The following ALG6 variants were observed in gnomAD, a reference collection of about 807,000 sequenced individuals.
ALG6 encodes the protein dolichyl pyrophosphate Man9GlcNAc2 alpha-1,3-glucosyltransferase.
Under a neutral mutation model 66.6 loss-of-function variants are expected in ALG6, and 46 were observed. The ratio of observed to expected loss-of-function variants is 0.69; its 90% CI spans 0.55 to 0.88. The LOEUF (loss-of-function observed/expected upper bound fraction) is 0.88, where lower values mean the gene tolerates loss of function less well. Among genes scored for constraint, ALG6 ranks in the 40% least tolerant of loss-of-function variants. The probability of loss-of-function intolerance (pLI) is 0.00; values close to 1 mark genes in which losing one functional copy is unlikely to be tolerated. For missense variants in ALG6, 505 were observed against 586.8 expected (o/e 0.86, Z 1.44); for synonymous variants, 185 against 203.7 (o/e 0.91, Z 0.78).
chr1:63,406,518 A>G, intron 6 of ALG6, 119 bp downstream of exon 6: 1 of 851,376 alleles, frequency 1.2e-6, no homozygotes, highest in Non-Finnish European at 1.9e-6. Flanking sequence ...GGAATATTGT[A>G]TCTTCTATCA....
Position 63,423,521 on chromosome 1 carries a change from C to T in ALG6, c.1058+4081C>T, listed in dbSNP as rs184764176. Reference sequence around the variant, plus strand: ...AGCAGTCCCTCTCCATTTTCCCTTCCCCGAGTCCCTCTAACCACTAATCTG... The same window carrying T: ...AGCAGTCCCTCTCCATTTTCCCTTCTCCGAGTCCCTCTAACCACTAATCTG... On this transcript the variant is annotated intron_variant, in intron 12 of 14. Coordinates refer to ENST00000263440, the MANE Select transcript of ALG6 (RefSeq NM_013339.4). Among the ~76,000 whole-genome samples the T allele has an allele frequency of 9.2e-5, 14 of 152,230 alleles. No homozygotes were observed. The East Asian group carries it at 2.1e-3, about 23-fold the overall frequency.
At chr1:63,403,996 GT>G (rs2100414927) in intron 4 of ALG6, among the ~76,000 whole-genome samples, 1 of 152,252 alleles carries the variant, frequency 6.6e-6, no homozygotes, top group South Asian at 2.1e-4. Flanking sequence ...TTGTAATATG[GT>G]TGAAAATTTC....
chr1:63,397,897 T>C (rs80069099), intron 3 of ALG6, among the ~76,000 whole-genome samples: 1,899 of 152,314 alleles, frequency 0.012, 33 homozygotes, highest in African/African-American at 0.043. Flanking sequence ...TTGTGAGGAC[T>C]GAATAAAATG....
At position 63,428,678 on chromosome 1, in the gene ALG6, A is replaced by G. The variant is rs1163579045; in HGVS notation, c.1059-55A>G. On this transcript the variant is annotated intron_variant, in intron 12 of 14. Coordinates refer to ENST00000263440, the MANE Select transcript of ALG6 (RefSeq NM_013339.4). ...AAATGTATTTATATTTTTTACAATT[A>G]GGAGTTGAAGTTATATTCTGTAATA... 15 of 1,229,412 alleles carry G rather than the reference A, an allele frequency of 1.2e-5. No homozygotes were observed. The Admixed American group carries it at 2.7e-4, about 22-fold the overall frequency. 76.2% of individuals were successfully genotyped at this position (1,229,412 alleles called of 1,614,324 possible).
intron 2 of ALG6, among the ~76,000 whole-genome samples, chr1:63,382,425 A>G (rs905791300): frequency 6.0e-5 from 9 of 151,188 alleles, no homozygotes; most frequent in Admixed American, 5.3e-4. Context: ...CTGGTCTCGA[A>G]CTCCTGACTT....
intron 2 of ALG6, among the ~76,000 whole-genome samples, chr1:63,373,585 A>G (rs1422735666): frequency 6.7e-6 from 1 of 148,636 alleles, no homozygotes; most frequent in Non-Finnish European, 1.5e-5. Context: ...ACAGAGCAAG[A>G]CTCTGCCTCA....
At chr1:63,383,251 AG>A (rs1648387870) in intron 2 of ALG6, among the ~76,000 whole-genome samples, 2 of 151,756 alleles carry the variant, frequency 1.3e-5, no homozygotes, top group South Asian at 4.2e-4. Context: ...CCTCCCAAGT[AG>A]CTGGGATTAC....
Position 63,399,210 on chromosome 1 carries a change from C to T in ALG6, c.167+2613C>T, listed in dbSNP as rs1222825529. 2.6e-5 allele frequency among the ~76,000 whole-genome samples: 4 copies of T among 152,296 alleles called. No homozygotes were observed. In the East Asian group the frequency reaches 5.8e-4, roughly 22 times the overall value. ...TTGCTATGTGGCTTCTCCAACATGGCCATGCACTAAAATATGCCAGCTTGC... is the reference window on the plus strand; with the variant it reads ...TTGCTATGTGGCTTCTCCAACATGGTCATGCACTAAAATATGCCAGCTTGC... On this transcript the variant is annotated intron_variant, in intron 3 of 14. Coordinates refer to ENST00000263440, the MANE Select transcript of ALG6 (RefSeq NM_013339.4).
intron 12 of ALG6, among the ~76,000 whole-genome samples, chr1:63,422,206 TATAA>T (rs1357874191): frequency 1.6e-5 from 2 of 122,790 alleles, no homozygotes; most frequent in African/African-American, 3.2e-5. Context: ...TCTATATGAA[TATAA>T]ATATATATTT....
rs115763325 is a variant in ALG6 at position 63,371,589 on chromosome 1, C to T, written c.82+530C>T. ...GAATAGCCAATACTCAGAGGGCCCA[C>T]ATTTTATTTTATTTTATTTTATTTT... is the stretch of plus-strand genomic sequence containing the variant. On this transcript the variant is annotated intron_variant, in intron 2 of 14. Coordinates refer to ENST00000263440, the MANE Select transcript of ALG6 (RefSeq NM_013339.4). 7.5e-3 allele frequency among the ~76,000 whole-genome samples: 1,145 copies of T among 152,062 alleles called. 10 individuals carry two copies. Among genetic ancestry groups the T allele is most frequent in the African/African-American group, 0.026 (1,088 of 41,458 alleles).
intron 2 of ALG6, among the ~76,000 whole-genome samples, chr1:63,394,003 T>A (rs1648746792): frequency 6.6e-6 from 1 of 152,242 alleles, no homozygotes; most frequent in African/African-American, 2.4e-5. Flanking sequence ...GTATATATGC[T>A]ATAGAAAAGT....
chr1:63,437,286 A>G lies in ALG6; in HGVS notation c.*266A>G. On this transcript the variant is annotated 3_prime_UTR_variant, in exon 15 of 15. Coordinates refer to ENST00000263440, the MANE Select transcript of ALG6 (RefSeq NM_013339.4). ...GCTATTCAAGTGGGGAAAAAAGAGA[A>G]ACATGTCCTTAATCCCATTGTTTAC... 2.5e-6 allele frequency: 1 copy of G among 393,524 alleles called. No homozygotes were observed. The highest frequency in any genetic ancestry group is 4.7e-6 in the Non-Finnish European group (1 of 211,226). 24.4% of individuals were successfully genotyped at this position (393,524 alleles called of 1,614,324 possible). A position where few individuals can be genotyped will look rare whatever the true frequency, so the allele number is the denominator to read the frequency against.
intron 14 of ALG6, among the ~76,000 whole-genome samples, chr1:63,431,605 A>G (rs975367781): frequency 6.6e-6 from 1 of 152,152 alleles, no homozygotes; most frequent in African/African-American, 2.4e-5. Context: ...ACGGAGTTTC[A>G]CCATGAATAT....
chr1:63,373,460 G>A lies in ALG6; in HGVS notation c.82+2401G>A, dbSNP rs113880956. ...TCTATTAAAAATACAAAAATTAGCCGGGCGCACACCTGTAATCCCAGCTGC... is the reference window on the plus strand; with the variant it reads ...TCTATTAAAAATACAAAAATTAGCCAGGCGCACACCTGTAATCCCAGCTGC... On this transcript the variant is annotated intron_variant, in intron 2 of 14. Transcript: ENST00000263440. 3.7e-3 allele frequency among the ~76,000 whole-genome samples: 555 copies of A among 151,050 alleles called. 5 individuals carry two copies. Among genetic ancestry groups the A allele is most frequent in the African/African-American group, 0.013 (517 of 41,282 alleles).
intron 3 of ALG6, among the ~76,000 whole-genome samples, chr1:63,401,251 G>A (rs998282872): frequency 6.6e-6 from 1 of 152,120 alleles, no homozygotes; most frequent in Non-Finnish European, 1.5e-5. Context: ...CTGACACTAA[G>A]AATAGACCTT....
At chr1:63,374,628 CA>C (rs5774649) in intron 2 of ALG6, among the ~76,000 whole-genome samples, 113,258 of 145,686 alleles carry the variant, frequency 0.78, 43,733 homozygotes, top group East Asian at 0.93. Flanking sequence ...ACTCTGTCTC[CA>C]AAAAAAAAAA....
chr1:63,400,552 T>A lies in ALG6; in HGVS notation c.168-1702T>A, dbSNP rs531467946. 1.3e-4 allele frequency among the ~76,000 whole-genome samples: 19 copies of A among 151,638 alleles called. No individual in the cohort carries two copies. The South Asian group carries it at 4.0e-3, about 32-fold the overall frequency. On this transcript the variant is annotated intron_variant, in intron 3 of 14. Transcript: ENST00000263440. ...AAATCCTATATTTTTTTCCTCCTAA[T>A]CCAACCAATGACTTTATTTTTAGTA... is the stretch of plus-strand genomic sequence containing the variant.
intron 12 of ALG6, among the ~76,000 whole-genome samples, chr1:63,420,425 C>G (rs766109226): frequency 6.6e-6 from 1 of 152,180 alleles, no homozygotes; most frequent in African/African-American, 2.4e-5. Flanking sequence ...AAAGGCAGCT[C>G]ATTCAGGACC....
intron 7 of ALG6, among the ~76,000 whole-genome samples, chr1:63,410,684 A>G (rs1055378842): frequency 6.6e-6 from 1 of 152,160 alleles, no homozygotes; most frequent in African/African-American, 2.4e-5. Context: ...TTAATTAACA[A>G]TGTTGTTAGT....
Sources: gnomAD v4.1 joint callset for allele counts (sites outside exome capture counted in the v4.1 genomes callset) on GRCh38, gnomAD v4.1.1 for gene constraint, MANE v1.5 for transcripts, NCBI Gene and HGNC (gene_info 2026-07-23, HGNC 2026-07-21) for gene names.